ANO4: variants seen among roughly 807,000 people sequenced by gnomAD.
ANO4 encodes anoctamin 4, also known as anoctamin-4.
In ANO4, 69 loss-of-function variants were observed where a neutral mutation model predicts 141.9. That is an observed-to-expected ratio of 0.49 (90% confidence interval 0.40 to 0.59). ANO4 has a LOEUF of 0.59. Among genes scored for constraint, ANO4 ranks in the 20% least tolerant of loss-of-function variants. The pLI is 0.00. For synonymous variants in ANO4, 350 were observed against 394.3 expected (o/e 0.89, Z 1.33); for missense variants, 894 against 1,162.2 (o/e 0.77, Z 3.36).
At chr12:100,719,154 A>T (rs1218999906) in intron 1 of ANO4, among the ~76,000 whole-genome samples, 2 of 152,250 alleles carry the variant, frequency 1.3e-5, no homozygotes, top group African/African-American at 2.4e-5. Flanking sequence ...CAGGTTTCTC[A>T]TTAGACCCTT....
intron 8 of ANO4, among the ~76,000 whole-genome samples, chr12:101,004,466 A>G (rs1160494674): frequency 2.0e-5 from 3 of 152,160 alleles, no homozygotes; most frequent in African/African-American, 7.2e-5. Flanking sequence ...TGACAGGAAC[A>G]GGCAGGCAAA....
chr12:100,763,642 G>A (rs2032966419), intron 3 of ANO4, among the ~76,000 whole-genome samples: 1 of 152,196 alleles, frequency 6.6e-6, no homozygotes, highest in Non-Finnish European at 1.5e-5. Flanking sequence ...TGCTGCAGGA[G>A]CAGCTGGTGT....
At chr12:100,745,407 G>A (rs955426721) in intron 3 of ANO4, among the ~76,000 whole-genome samples, 4 of 152,174 alleles carry the variant, frequency 2.6e-5, no homozygotes, top group African/African-American at 9.7e-5. Flanking sequence ...CTCCAATACA[G>A]TTTTTTCATA....
At chr12:100,740,012 G>T in exon 3 of ANO4, 1 of 702,530 alleles carries the variant, frequency 1.4e-6, no homozygotes, top group Non-Finnish European at 2.6e-6. Context: ...GACTGACCAG[G>T]CCACACCTTT....
At chr12:101,034,263 AT>A (rs1278318761) in intron 9 of ANO4, among the ~76,000 whole-genome samples, 5 of 152,328 alleles carry the variant, frequency 3.3e-5, no homozygotes, top group Non-Finnish European at 7.3e-5. Context: ...GATAGAGTGG[AT>A]AAAGAAAATG....
chr12:101,029,524 C>T (rs1445397702), intron 9 of ANO4, among the ~76,000 whole-genome samples: 1 of 152,048 alleles, frequency 6.6e-6, no homozygotes, highest in Non-Finnish European at 1.5e-5. Flanking sequence ...GCAGGGGTTG[C>T]AAACCTCATC....
chr12:100,805,301 T>G (rs1429280321), intron 1 of ANO4, among the ~76,000 whole-genome samples: 6 of 152,188 alleles, frequency 3.9e-5, no homozygotes, highest in Non-Finnish European at 8.8e-5. Flanking sequence ...TCTGTTCCAT[T>G]GGTCTGTGTG....
chr12:100,777,210 A>T (rs1005496640), intron 3 of ANO4, among the ~76,000 whole-genome samples: 13 of 145,428 alleles, frequency 8.9e-5, no homozygotes, highest in African/African-American at 3.3e-4. Context: ...CTTGTGCCTC[A>T]GCCTCCCAAG....
chr12:100,725,394 T>C (rs1053179788), intron 1 of ANO4, among the ~76,000 whole-genome samples: 37 of 146,064 alleles, frequency 2.5e-4, no homozygotes, highest in African/African-American at 7.6e-4. Context: ...TCACCCAGGC[T>C]GGAGTGCAGT....
In ANO4 at chr12:101,110,462, G is replaced by T; in HGVS notation, c.2208G>T (p.Leu736=). Reference sequence around the variant, plus strand: ...CAGCTTTTCCCCTAGCACCACTTCTGGCCTTACTGAATAACATAATTGAAA... The same window carrying T: ...CAGCTTTTCCCCTAGCACCACTTCTTGCCTTACTGAATAACATAATTGAAA... ...FVAAFPLAPL[L]ALLNNIIEIR... is the part of the protein sequence containing the mutation. Residue 736 remains leucine (L), a synonymous_variant, in exon 23 of 28, where the codon CTG becomes CTT. Coordinates refer to ENST00000392977, the MANE Select transcript of ANO4 (RefSeq NM_001286615.2). 6.2e-7 allele frequency: 1 copy of T among 1,612,108 alleles called. No homozygotes were observed. Among genetic ancestry groups the T allele is most frequent in the African/African-American group, 1.3e-5 (1 of 74,906 alleles).
intron 3 of ANO4, among the ~76,000 whole-genome samples, chr12:100,746,273 G>T (rs966475209): frequency 6.6e-6 from 1 of 152,094 alleles, no homozygotes; most frequent in African/African-American, 2.4e-5. Flanking sequence ...GGTCAACATG[G>T]TGAAACCCCA....
At chr12:100,925,914 C>G (rs1195952668) in intron 3 of ANO4, among the ~76,000 whole-genome samples, 3 of 151,518 alleles carry the variant, frequency 2.0e-5, no homozygotes, top group Non-Finnish European at 4.4e-5. Flanking sequence ...TGCATGCTTA[C>G]ATGTGTGTAT....
chr12:100,804,256 T>G (rs1370631791), intron 1 of ANO4, among the ~76,000 whole-genome samples: 2 of 152,190 alleles, frequency 1.3e-5, no homozygotes, highest in African/African-American at 2.4e-5. Context: ...CCAGCTCCAT[T>G]CATGTCCTTG....
chr12:100,948,536 A>G (rs2042836853), intron 5 of ANO4, among the ~76,000 whole-genome samples: 1 of 152,154 alleles, frequency 6.6e-6, no homozygotes, highest in South Asian at 2.1e-4. Context: ...GCTACCTTCT[A>G]TTTATGGCAA....
intron 3 of ANO4, among the ~76,000 whole-genome samples, chr12:100,767,640 G>A (rs566818722): frequency 1.7e-4 from 26 of 152,156 alleles, no homozygotes; most frequent in Non-Finnish European, 3.2e-4. Flanking sequence ...AAGTGTAACA[G>A]CACAAGATTT....
At chr12:100,786,204 T>C (rs10778075) in intron 3 of ANO4, among the ~76,000 whole-genome samples, 62,613 of 152,092 alleles carry the variant, frequency 0.41, 13,463 homozygotes, top group Middle Eastern at 0.53. Context: ...ATTGCCTAAG[T>C]GGGCTTTCTT....
intron 1 of ANO4, among the ~76,000 whole-genome samples, chr12:100,803,006 T>C (rs2034787741): frequency 6.6e-6 from 1 of 152,326 alleles, no homozygotes; most frequent in East Asian, 1.9e-4. Context: ...ATTGGAGTAC[T>C]GTGAACAAAA....
At chr12:100,964,286 A>T (rs564450073) in intron 5 of ANO4, among the ~76,000 whole-genome samples, 1 of 152,290 alleles carries the variant, frequency 6.6e-6, no homozygotes, top group East Asian at 1.9e-4. Flanking sequence ...TAGCCAAGGT[A>T]CCAGACTTCT....
chr12:100,859,528 A>G (rs2038361812), intron 1 of ANO4, among the ~76,000 whole-genome samples: 1 of 152,194 alleles, frequency 6.6e-6, no homozygotes, highest in Non-Finnish European at 1.5e-5. Context: ...TTTAGCATGT[A>G]TAATCTCATG....
Sources: gnomAD v4.1 joint callset for allele counts (sites outside exome capture counted in the v4.1 genomes callset) on GRCh38, gnomAD v4.1.1 for gene constraint, MANE v1.5 for transcripts, NCBI Gene and HGNC (gene_info 2026-07-23, HGNC 2026-07-21) for gene names.